C1GALT1: variants seen among roughly 807,000 people sequenced by gnomAD.
The protein encoded by C1GALT1 is core 1 synthase, glycoprotein-N-acetylgalactosamine 3-beta-galactosyltransferase 1, also known as glycoprotein-N-acetylgalactosamine 3-beta-galactosyltransferase 1.
Under a neutral mutation model 31.0 loss-of-function variants are expected in C1GALT1, and 11 were observed. That is an observed-to-expected ratio of 0.36 (90% CI 0.22 to 0.59). The LOEUF (loss-of-function observed/expected upper bound fraction) is 0.59. C1GALT1 is among the 20% of genes least tolerant of loss of function. The probability of loss-of-function intolerance (pLI) is 0.79; values close to 1 mark genes in which losing one functional copy is unlikely to be tolerated. For synonymous variants in C1GALT1, 175 were observed against 143.6 expected (o/e 1.22, Z -1.56); for missense variants, 424 against 425.2 (o/e 1.00, Z 0.03).
chr7:7,231,123 T>C (rs946246899), intron 1 of C1GALT1, among the ~76,000 whole-genome samples: 1 of 152,234 alleles, frequency 6.6e-6, no homozygotes, highest in Non-Finnish European at 1.5e-5. Context: ...ACATTTTTGC[T>C]GGATACAGAA....
chr7:7,165,770 A>G (rs1780385508), intron 2 of C1GALT1, among the ~76,000 whole-genome samples: 1 of 152,188 alleles, frequency 6.6e-6, no homozygotes, highest in African/African-American at 2.4e-5. Context: ...TCTAAAATCC[A>G]AAGCTTTTTG....
At chr7:7,196,479 T>G (rs1206935867) in intron 1 of C1GALT1, among the ~76,000 whole-genome samples, 1 of 152,190 alleles carries the variant, frequency 6.6e-6, no homozygotes, top group East Asian at 1.9e-4. Context: ...GACATTTGGG[T>G]TGGTTCCAAG....
intron 1 of C1GALT1, among the ~76,000 whole-genome samples, chr7:7,221,256 C>T (rs2128242580): frequency 6.6e-6 from 1 of 152,064 alleles, no homozygotes; most frequent in East Asian, 1.9e-4. Flanking sequence ...AGGGAGATTT[C>T]TTTATCTGAT....
chr7:7,210,929 CT>C (rs985607869), intron 1 of C1GALT1, among the ~76,000 whole-genome samples: 138 of 152,192 alleles, frequency 9.1e-4, no homozygotes, highest in African/African-American at 3.2e-3. Flanking sequence ...TTTTTCTTCT[CT>C]GCCTAAAATA....
At chr7:7,179,620 A>C (rs189949374), upstream of C1GALT1, among the ~76,000 whole-genome samples, 1 of 152,290 alleles carries the variant, frequency 6.6e-6, no homozygotes, top group Admixed American at 6.5e-5. Flanking sequence ...TCAACTAAGA[A>C]TTGCATTTGA....
At chr7:7,223,800 A>G (rs931074984) in intron 1 of C1GALT1, among the ~76,000 whole-genome samples, 1 of 151,142 alleles carries the variant, frequency 6.6e-6, no homozygotes. Context: ...TTCCAGTACT[A>G]TATTGAGTAA....
rs1407551275 is a variant in C1GALT1, at chr7:7,182,641, G to A, written c.-197G>A. ...GCGGGCGGGAGCGCGCGCTGGGCCCGCCTTGGCCGCCGCCGCTGTGCTGCC... is the reference window on the plus strand; with the variant it reads ...GCGGGCGGGAGCGCGCGCTGGGCCCACCTTGGCCGCCGCCGCTGTGCTGCC... On this transcript the variant is annotated 5_prime_UTR_variant, in exon 1 of 4. Transcript: ENST00000436587. The A allele has an allele frequency of 3.9e-5, 10 of 257,814 alleles. No individual in the cohort carries two copies. The highest frequency in any genetic ancestry group is 6.1e-5 in the Non-Finnish European group (10 of 164,834). 16.0% of individuals were successfully genotyped at this position (257,814 alleles called of 1,614,324 possible). A position where few individuals can be genotyped will look rare whatever the true frequency, so the allele number is the denominator to read the frequency against.
intron 1 of C1GALT1, among the ~76,000 whole-genome samples, chr7:7,221,686 A>T (rs1258512804): frequency 6.6e-6 from 1 of 152,242 alleles, no homozygotes; most frequent in Non-Finnish European, 1.5e-5. Flanking sequence ...TGCAAATCCA[A>T]ACAAAGTGGT....
chr7:7,164,178 C>T (rs1780368620), intron 2 of C1GALT1, among the ~76,000 whole-genome samples: 1 of 152,164 alleles, frequency 6.6e-6, no homozygotes, highest in Non-Finnish European at 1.5e-5. Context: ...CTACAACTAT[C>T]TGATCTTTGA....
At chr7:7,216,471 A>G (rs1047326898) in intron 1 of C1GALT1, among the ~76,000 whole-genome samples, 3 of 151,752 alleles carry the variant, frequency 2.0e-5, no homozygotes, top group Admixed American at 6.6e-5. Flanking sequence ...TCCTAGAACC[A>G]GTGTGATTTG....
At chr7:7,210,563 G>C (rs372964191) in intron 1 of C1GALT1, 1 of 154,792 alleles carries the variant, frequency 6.5e-6, no homozygotes, top group African/African-American at 2.4e-5. Context: ...AAGTGCGGTG[G>C]ACACCAGCCA....
rs1583738854 is a variant in C1GALT1, at chr7:7,183,827, T to C, written c.-18+1007T>C. 3.3e-5 allele frequency among the ~76,000 whole-genome samples: 5 copies of C among 152,332 alleles called. No homozygotes were observed. In the South Asian group the frequency reaches 1.0e-3, roughly 32 times the overall value. The stretch of plus-strand genomic sequence containing the variant: ...AACGCTTTTTTAAGATAGAAAACTA[T>C]TGTGCTAACCATGGATTGATTTCAT... On this transcript the variant is annotated intron_variant, in intron 1 of 3. Transcript: ENST00000436587.
intron 1 of C1GALT1, 123 bp downstream of exon 1, chr7:7,182,943 A>G (rs1464777518): frequency 1.4e-6 from 1 of 725,868 alleles, no homozygotes; most frequent in Non-Finnish European, 1.7e-6. Flanking sequence ...GCGGCGGAAC[A>G]GGTGTCTCGG....
At chr7:7,191,203 A>G (rs1314369372) in intron 1 of C1GALT1, among the ~76,000 whole-genome samples, 1 of 152,004 alleles carries the variant, frequency 6.6e-6, no homozygotes, top group Non-Finnish European at 1.5e-5. Context: ...ATTTTTCACT[A>G]CTTTAAAGTA....
chr7:7,171,777 A>T (rs1234741160), intron 2 of C1GALT1, among the ~76,000 whole-genome samples: 1 of 152,034 alleles, frequency 6.6e-6, no homozygotes, highest in Non-Finnish European at 1.5e-5. Context: ...TGGTTACCAT[A>T]GCAATTACGT....
rs1422752846 is a variant in C1GALT1, at chr7:7,241,244, T to A, written c.889-2280T>A. Among the ~76,000 whole-genome samples the A allele has an allele frequency of 3.3e-5, 5 of 152,176 alleles. No homozygotes were observed. The East Asian group carries it at 5.8e-4, about 18-fold the overall frequency. On this transcript the variant is annotated intron_variant, in intron 3 of 3. Coordinates refer to ENST00000436587, the MANE Select transcript of C1GALT1 (RefSeq NM_020156.5). ...TGAGGTAGAGAGCTCCTGATTTTTT[T>A]AAATTGTTAACTAATTATTCTACTA...
intron 1 of C1GALT1, among the ~76,000 whole-genome samples, chr7:7,191,025 T>G (rs562295492): frequency 5.9e-5 from 9 of 152,280 alleles, no homozygotes; most frequent in African/African-American, 2.2e-4. Context: ...TTTTTAAGTT[T>G]ATAGATCAGT....
At chr7:7,180,910 C>CAAAAA (rs34390245), upstream of C1GALT1, among the ~76,000 whole-genome samples, 2 of 127,778 alleles carry the variant, frequency 1.6e-5, no homozygotes, top group African/African-American at 3.0e-5. Flanking sequence ...CATATCTCTT[C>CAAAAA]AAAAAAAAAA....
chr7:7,240,140 A>G (rs1452753559), intron 3 of C1GALT1, among the ~76,000 whole-genome samples: 1 of 152,180 alleles, frequency 6.6e-6, no homozygotes, highest in Non-Finnish European at 1.5e-5. Context: ...ACCCAGGGCA[A>G]TTTTGCCCCC....
Sources: allele counts gnomAD v4.1 joint callset (sites outside exome capture counted in the v4.1 genomes callset), GRCh38; gene constraint gnomAD v4.1.1; transcripts MANE v1.5; gene names NCBI Gene and HGNC (gene_info 2026-07-23, HGNC 2026-07-21).